BRINP1: variants seen among roughly 807,000 people sequenced by gnomAD.
The protein encoded by BRINP1 is BMP/retinoic acid-inducible neural-specific protein 1.
BRINP1 carries 17 observed loss-of-function variants against 72.9 expected under a neutral mutation model. That is an observed-to-expected ratio of 0.23 (90% confidence interval 0.16 to 0.35). The LOEUF is 0.35. BRINP1 is among the 10% of genes least tolerant of loss of function. The pLI, the probability that BRINP1 is intolerant of heterozygous loss-of-function variation, is 1.00. For synonymous variants in BRINP1, 418 were observed against 378.5 expected (o/e 1.10, Z -1.21); for missense variants, 850 against 1,001.6 (o/e 0.85, Z 2.04).
Position 119,167,599 on chromosome 9 carries a change from G to T in BRINP1, c.1771C>A (p.Arg591Ser). The stretch of plus-strand genomic sequence containing the variant: ...TTGTAGCACTGGCTGTTTTGGAGAC[G>T]GATCTTCTCCCAGCGTGGGTAGCCA... Reference protein sequence around the residue: ...EFGYPRWEKIRLQNSQCYNWT... With the variant: ...EFGYPRWEKISLQNSQCYNWT... Residue 591 changes from arginine (R) to serine (S), a missense_variant, in exon 8 of 8, where the codon CGT (arginine) becomes AGT (serine). Coordinates refer to ENST00000265922, the MANE Select transcript of BRINP1 (RefSeq NM_014618.3). This position sits in a 1 kb window ranked among gnomAD's most constrained non-coding sequence, Gnocchi z 4.3. 6.2e-7 allele frequency: 1 copy of T among 1,614,124 alleles called. No individual in the cohort carries two copies. The highest frequency in any genetic ancestry group is 1.6e-4 in the Middle Eastern group (1 of 6,062).
chr9:119,333,162 C>A (rs907734263), intron 1 of BRINP1, among the ~76,000 whole-genome samples: 9 of 151,628 alleles, frequency 5.9e-5, no homozygotes, highest in African/African-American at 2.2e-4. Context: ...CAGTCTCTGA[C>A]TTTAAAGTGA....
intron 7 of BRINP1, among the ~76,000 whole-genome samples, chr9:119,176,185 A>T (rs1226270077): frequency 6.6e-6 from 1 of 152,128 alleles, no homozygotes; most frequent in Non-Finnish European, 1.5e-5. Flanking sequence ...AGTCAAACAA[A>T]CAATCAGAGT....
At chr9:119,245,974 C>G (rs1291626455) in intron 3 of BRINP1, among the ~76,000 whole-genome samples, 1 of 152,160 alleles carries the variant, frequency 6.6e-6, no homozygotes, top group Non-Finnish European at 1.5e-5. Context: ...TCCCAAGTTT[C>G]TTAGCCCCAT....
At chr9:119,333,393 G>A (rs749213165) in intron 1 of BRINP1, among the ~76,000 whole-genome samples, 26 of 150,340 alleles carry the variant, frequency 1.7e-4, no homozygotes, top group Non-Finnish European at 3.4e-4. Context: ...AGCCTGGGAG[G>A]CAGAGGCTGT....
At chr9:119,274,318 G>A (rs2118954696) in intron 2 of BRINP1, among the ~76,000 whole-genome samples, 1 of 152,302 alleles carries the variant, frequency 6.6e-6, no homozygotes, top group Admixed American at 6.5e-5. Context: ...TCCAGCCCTG[G>A]AAAACAGGAC....
Position 119,288,003 on chromosome 9 carries a change from G to A in BRINP1, c.218+25135C>T, listed in dbSNP as rs865810315. Among the ~76,000 whole-genome samples, 1,201 of 151,982 alleles carry A rather than the reference G, an allele frequency of 7.9e-3. 13 individuals carry two copies. Among genetic ancestry groups the A allele is most frequent in the African/African-American group, 0.028 (1,160 of 41,428 alleles). ...ACTGAACTTAAAAGTTAAAAAAAAA[G>A]AAAAACCACAAGTCAGAGACCCACA... On this transcript the variant is annotated intron_variant, in intron 2 of 7. Transcript: ENST00000265922.
chr9:119,169,784 G>A (rs963265587), intron 7 of BRINP1, among the ~76,000 whole-genome samples: 7 of 152,350 alleles, frequency 4.6e-5, no homozygotes, highest in African/African-American at 1.7e-4. Context: ...CTGGAGATCT[G>A]AGAACGGGCA....
intron 2 of BRINP1, among the ~76,000 whole-genome samples, chr9:119,264,372 T>C (rs900502969): frequency 6.6e-6 from 1 of 152,240 alleles, no homozygotes; most frequent in African/African-American, 2.4e-5. Context: ...CTTACAATTC[T>C]TCTTAAATAT....
chr9:119,353,742 C>G (rs1056895764), intron 1 of BRINP1, among the ~76,000 whole-genome samples: 1 of 149,556 alleles, frequency 6.7e-6, no homozygotes, highest in African/African-American at 2.5e-5. Context: ...CTAGCCCTTT[C>G]TCCTCCTATT....
intron 7 of BRINP1, among the ~76,000 whole-genome samples, chr9:119,174,666 A>G (rs1029301112): frequency 1.6e-4 from 24 of 150,270 alleles, no homozygotes; most frequent in Admixed American, 1.3e-3. Context: ...ACACATGCAC[A>G]CGTATGTTTA....
intron 1 of BRINP1, among the ~76,000 whole-genome samples, chr9:119,347,582 C>G (rs1465462985): frequency 6.6e-6 from 1 of 152,138 alleles, no homozygotes; most frequent in Non-Finnish European, 1.5e-5. Context: ...CCTCCCACCT[C>G]TAAATGTAAA....
rs868162786 is a variant in BRINP1, at chr9:119,167,257, G to C, written c.2113C>G (p.Arg705Gly). Residue 705 changes from arginine (R) to glycine (G), a missense_variant, in exon 8 of 8, where the codon CGC becomes GGC. By Grantham distance (125) the Arg-to-Gly change is moderately radical (BLOSUM62 -2). Transcript: ENST00000265922. The surrounding 1 kb of genome is among the most constrained non-coding windows in gnomAD (Gnocchi z 4.3). Reference sequence around the variant, plus strand: ...CCCGGGGCCACAGGAGGGGCCAGGCGATTAATTCGGTCCCGAATATCCAAC... The same window carrying C: ...CCCGGGGCCACAGGAGGGGCCAGGCCATTAATTCGGTCCCGAATATCCAAC... ...LLLDIRDRINRLAPPVAPGKP... is the reference protein window; with the variant it reads ...LLLDIRDRINGLAPPVAPGKP... The C allele has an allele frequency of 6.2e-7, 1 of 1,614,180 alleles. No homozygotes were observed.
At chr9:119,266,771 T>G (rs560776523) in intron 2 of BRINP1, among the ~76,000 whole-genome samples, 1 of 152,376 alleles carries the variant, frequency 6.6e-6, no homozygotes, top group Admixed American at 6.5e-5. Context: ...TGTGCCTGGC[T>G]TATTTCACTT....
chr9:119,289,672 G>T (rs528862288), intron 2 of BRINP1, among the ~76,000 whole-genome samples: 1 of 152,160 alleles, frequency 6.6e-6, no homozygotes, highest in Non-Finnish European at 1.5e-5. Context: ...AGCTACCACA[G>T]ATAGCATTTT....
At chr9:119,187,831 C>T (rs910423488) in intron 7 of BRINP1, among the ~76,000 whole-genome samples, 1 of 152,036 alleles carries the variant, frequency 6.6e-6, no homozygotes, top group Non-Finnish European at 1.5e-5. Context: ...AATAAAACTT[C>T]AAGATCTGGG....
At chr9:119,205,624 C>A (rs1272311979) in intron 7 of BRINP1, among the ~76,000 whole-genome samples, 2 of 152,140 alleles carry the variant, frequency 1.3e-5, no homozygotes, top group African/African-American at 2.4e-5. Context: ...CCAGCTTTGT[C>A]CCTCCTTCTT....
chr9:119,246,356 C>T (rs540228699), intron 3 of BRINP1, among the ~76,000 whole-genome samples: 3 of 152,274 alleles, frequency 2.0e-5, no homozygotes, highest in Non-Finnish European at 2.9e-5. Flanking sequence ...GTGGCTAGAA[C>T]GAAAGCAGGC....
At chr9:119,321,031 C>G (rs1831180970) in intron 1 of BRINP1, among the ~76,000 whole-genome samples, 1 of 151,944 alleles carries the variant, frequency 6.6e-6, no homozygotes, top group East Asian at 1.9e-4. Flanking sequence ...CCCGGGTTCA[C>G]GCCATTCTCC....
chr9:119,305,924 G>C (rs1357897516), intron 2 of BRINP1, among the ~76,000 whole-genome samples: 1 of 152,192 alleles, frequency 6.6e-6, no homozygotes, highest in Non-Finnish European at 1.5e-5. Flanking sequence ...GTAAGCTGCA[G>C]GTGCCCCAGA....
Sources: allele counts gnomAD v4.1 joint callset (sites outside exome capture counted in the v4.1 genomes callset), GRCh38; gene constraint gnomAD v4.1.1; non-coding constraint Gnocchi (gnomAD v3.1); transcripts MANE v1.5; gene names NCBI Gene and HGNC (gene_info 2026-07-23, HGNC 2026-07-21).